Variants in UNC5C observed in about 807,000 individuals in gnomAD.
UNC5C encodes the protein netrin receptor UNC5C.
UNC5C carries 47 observed loss-of-function variants against 99.8 expected under a neutral mutation model. The ratio of observed to expected loss-of-function variants is 0.47; its 90% CI spans 0.37 to 0.60. The LOEUF (loss-of-function observed/expected upper bound fraction) is 0.60. Among genes scored for constraint, UNC5C ranks in the 20% least tolerant of loss-of-function variants. The pLI is 0.00. For synonymous variants in UNC5C, 487 were observed against 452.2 expected (o/e 1.08, Z -0.98); for missense variants, 1,062 against 1,165.9 (o/e 0.91, Z 1.30).
intron 1 of UNC5C, among the ~76,000 whole-genome samples, chr4:95,483,235 C>G (rs776344189): frequency 1.7e-4 from 26 of 151,766 alleles, no homozygotes; most frequent in Non-Finnish European, 3.4e-4. Context: ...AGACTCCCTT[C>G]TGTCTTTCCT....
Position 95,169,299 on chromosome 4 carries a change from C to G in UNC5C, c.2731G>C (p.Ala911Pro), listed in dbSNP as rs573022437. The G allele has an allele frequency of 6.2e-7, 1 of 1,614,222 alleles. No homozygotes were observed. The highest frequency in any genetic ancestry group is 1.3e-5 in the African/African-American group (1 of 75,048). The change falls in exon 16 of 16, where the codon GCT becomes CCT. Residue 911 changes from alanine to proline, a missense_variant. Ala to Pro is a conservative substitution (Grantham distance 27). Transcript: ENST00000453304. ...TGTCTTCCCATTTCTTCCAAGACAG[C>G]TGCCAGCATGCTCAGGTTTCCATCT... Reference protein sequence around the residue: ...FPDGNLSMLAAVLEEMGRHET... With the variant: ...FPDGNLSMLAPVLEEMGRHET...
chr4:95,391,902 C>T (rs530233628), intron 1 of UNC5C, among the ~76,000 whole-genome samples: 13 of 152,120 alleles, frequency 8.5e-5, no homozygotes, highest in African/African-American at 2.9e-4. Context: ...TGTAGAGAAA[C>T]CCCAGCTCTA....
chr4:95,540,086 C>T (rs781050443), intron 1 of UNC5C, among the ~76,000 whole-genome samples: 3 of 152,054 alleles, frequency 2.0e-5, no homozygotes, highest in Non-Finnish European at 4.4e-5. Flanking sequence ...TTTTATAAAA[C>T]CCCTGGAGGA....
chr4:95,268,953 G>A (rs1284940935), intron 4 of UNC5C, among the ~76,000 whole-genome samples: 1 of 152,182 alleles, frequency 6.6e-6, no homozygotes, highest in East Asian at 1.9e-4. Context: ...CAATTATGGG[G>A]CTATTATCAA....
intron 1 of UNC5C, among the ~76,000 whole-genome samples, chr4:95,510,824 A>C (rs1722051361): frequency 1.3e-5 from 2 of 152,094 alleles, no homozygotes; most frequent in African/African-American, 4.8e-5. Flanking sequence ...ATTCTTCAAC[A>C]CTGTCCGAAA....
intron 11 of UNC5C, among the ~76,000 whole-genome samples, chr4:95,203,735 A>AT (rs1478524837): frequency 2.0e-5 from 3 of 152,164 alleles, no homozygotes; most frequent in African/African-American, 7.2e-5. Flanking sequence ...AAGCGCTGGG[A>AT]TTACAGGTGT....
At chr4:95,382,173 G>A (rs1745091746) in intron 1 of UNC5C, among the ~76,000 whole-genome samples, 1 of 151,250 alleles carries the variant, frequency 6.6e-6, no homozygotes, top group South Asian at 2.1e-4. Flanking sequence ...TGTGGGACTT[G>A]AAGCTTAAAA....
intron 1 of UNC5C, among the ~76,000 whole-genome samples, chr4:95,340,388 A>G (rs914778478): frequency 4.6e-5 from 7 of 152,166 alleles, no homozygotes; most frequent in Non-Finnish European, 1.0e-4. Context: ...GAATGACTGC[A>G]AAGCTAATGT....
chr4:95,209,639 G>A (rs900919441), intron 10 of UNC5C, among the ~76,000 whole-genome samples: 8 of 152,154 alleles, frequency 5.3e-5, no homozygotes, highest in African/African-American at 1.9e-4. Context: ...GTTATTGGGA[G>A]CAACTTGAGA....
intron 1 of UNC5C, among the ~76,000 whole-genome samples, chr4:95,459,290 GTTACTCTTAATGTTCC>G (rs1465025395): frequency 1.3e-5 from 2 of 152,060 alleles, no homozygotes; most frequent in Non-Finnish European, 2.9e-5. Flanking sequence ...CATTGTGATT[GTTACTCTTAATGTTCC>G]TTCCTCTAAG....
intron 2 of UNC5C, among the ~76,000 whole-genome samples, chr4:95,330,673 G>C (rs1223964129): frequency 6.6e-6 from 1 of 151,672 alleles, no homozygotes; most frequent in African/African-American, 2.4e-5. Context: ...CACATAATTT[G>C]TCATAAATGA....
chr4:95,251,544 G>A (rs1739732037), intron 4 of UNC5C, among the ~76,000 whole-genome samples: 1 of 152,136 alleles, frequency 6.6e-6, no homozygotes, highest in South Asian at 2.1e-4. Context: ...TTCTTCTGGA[G>A]GTAAACTACT....
chr4:95,502,077 T>A (rs1230505802), intron 1 of UNC5C, among the ~76,000 whole-genome samples: 1 of 152,084 alleles, frequency 6.6e-6, no homozygotes, highest in African/African-American at 2.4e-5. Context: ...TTAAAATTCG[T>A]ATCATGGTGC....
intron 2 of UNC5C, among the ~76,000 whole-genome samples, chr4:95,302,528 A>G (rs1392083242): frequency 6.6e-6 from 1 of 152,178 alleles, no homozygotes; most frequent in South Asian, 2.1e-4. Flanking sequence ...TCATTCTTCA[A>G]TGTGCCTCTT....
At chr4:95,282,528 G>A (rs1308767009) in intron 3 of UNC5C, among the ~76,000 whole-genome samples, 1 of 152,222 alleles carries the variant, frequency 6.6e-6, no homozygotes, top group African/African-American at 2.4e-5. Context: ...TATTTAACAT[G>A]TACACATGGG....
At chr4:95,172,479 C>A (rs1256813536) in intron 14 of UNC5C, among the ~76,000 whole-genome samples, 1 of 152,152 alleles carries the variant, frequency 6.6e-6, no homozygotes, top group South Asian at 2.1e-4. Context: ...TTCCTCAGCA[C>A]CATTTATTAA....
At chr4:95,497,530 G>A (rs1359515446) in intron 1 of UNC5C, among the ~76,000 whole-genome samples, 2 of 151,760 alleles carry the variant, frequency 1.3e-5, no homozygotes, top group East Asian at 1.9e-4. Context: ...TGGTCTTCAC[G>A]CTGTGTAGAT....
At chr4:95,250,313 A>T (rs959550181) in intron 5 of UNC5C, among the ~76,000 whole-genome samples, 174 bp downstream of exon 5, 3 of 152,078 alleles carry the variant, frequency 2.0e-5, no homozygotes, top group African/African-American at 7.2e-5. Flanking sequence ...TGAGCCTAGG[A>T]GGTTGAGGCT....
chr4:95,205,444 A>G (rs1020807049), intron 11 of UNC5C, among the ~76,000 whole-genome samples: 1 of 152,132 alleles, frequency 6.6e-6, no homozygotes, highest in Non-Finnish European at 1.5e-5. Flanking sequence ...TATGGTCAAG[A>G]GTAGAACATG....
Sources: gnomAD v4.1 joint callset for allele counts (sites outside exome capture counted in the v4.1 genomes callset) on GRCh38, gnomAD v4.1.1 for gene constraint, MANE v1.5 for transcripts, NCBI Gene and HGNC (gene_info 2026-07-23, HGNC 2026-07-21) for gene names.